Variants in PTPRR observed in about 807,000 individuals in gnomAD.
PTPRR encodes protein tyrosine phosphatase receptor type R, also known as receptor-type tyrosine-protein phosphatase R.
Under a neutral mutation model 77.2 loss-of-function variants are expected in PTPRR, and 38 were observed. The ratio of observed to expected loss-of-function variants is 0.49; its 90% CI spans 0.38 to 0.65. The LOEUF is 0.65. PTPRR is among the 30% of genes least tolerant of loss of function. PTPRR has a pLI of 0.00. For missense variants in PTPRR, 744 were observed against 799.2 expected (o/e 0.93, Z 0.83); for synonymous variants, 299 against 283.1 (o/e 1.06, Z -0.57).
intron 2 of PTPRR, among the ~76,000 whole-genome samples, chr12:70,836,138 C>T (rs1328659052): frequency 6.6e-6 from 1 of 152,116 alleles, no homozygotes; most frequent in Non-Finnish European, 1.5e-5. Flanking sequence ...CTGGTGATGT[C>T]ATTCACTAGC....
chr12:70,698,176 A>C, intron 8 of PTPRR, 89 bp downstream of exon 8: 1 of 1,108,346 alleles, frequency 9.0e-7, no homozygotes. Flanking sequence ...TGCATCCATC[A>C]ACCCATCATC....
At chr12:70,777,600 C>T (rs1275259602) in intron 2 of PTPRR, among the ~76,000 whole-genome samples, 1 of 151,926 alleles carries the variant, frequency 6.6e-6, no homozygotes, top group Non-Finnish European at 1.5e-5. Context: ...TAGAGACTAC[C>T]CAGAATTCTC....
At chr12:70,655,854 C>T (rs940321701) in intron 13 of PTPRR, among the ~76,000 whole-genome samples, 3 of 152,134 alleles carry the variant, frequency 2.0e-5, no homozygotes, top group East Asian at 3.8e-4. Flanking sequence ...TGTCCACTTA[C>T]AAATGGTTAG....
At chr12:70,742,852 G>T (rs1026292485) in intron 6 of PTPRR, among the ~76,000 whole-genome samples, 1 of 152,122 alleles carries the variant, frequency 6.6e-6, no homozygotes, top group Admixed American at 6.6e-5. Flanking sequence ...AAACAACACG[G>T]AGAAGCTGAG....
Position 70,684,755 on chromosome 12 carries a change from T to C in PTPRR, c.1308A>G (p.Pro436=). Residue 436 remains proline (P), a synonymous_variant, in exon 9 of 14, where the codon CCA becomes CCG. Coordinates refer to ENST00000283228, the MANE Select transcript of PTPRR (RefSeq NM_002849.4). The part of the protein sequence containing the change: ...PNPLSRVCLR[P]KNVTDSLSTY... ...TGCTCAATGAATCGGTTACATTTTT[T>C]GGTCTTAAACACACTCTGCTGAGGG... The C allele has an allele frequency of 6.2e-7, 1 of 1,608,198 alleles. No individual in the cohort carries two copies. The highest frequency in any genetic ancestry group is 8.5e-7 in the Non-Finnish European group (1 of 1,175,692).
intron 1 of PTPRR, among the ~76,000 whole-genome samples, chr12:70,912,904 C>G (rs1893720585): frequency 6.6e-6 from 1 of 152,066 alleles, no homozygotes. Flanking sequence ...CAATGCTACT[C>G]TAAGTGTGTC....
chr12:70,711,803 A>G (rs1888838039), intron 6 of PTPRR, among the ~76,000 whole-genome samples: 1 of 152,108 alleles, frequency 6.6e-6, no homozygotes, highest in African/African-American at 2.4e-5. Flanking sequence ...CAGTCATTTG[A>G]TATAAAAAGC....
At chr12:70,860,121 A>C (rs978160264) in intron 2 of PTPRR, among the ~76,000 whole-genome samples, 1 of 152,114 alleles carries the variant, frequency 6.6e-6, no homozygotes, top group Non-Finnish European at 1.5e-5. Context: ...AAAAGGATAC[A>C]GTGACAGTTT....
intron 10 of PTPRR, among the ~76,000 whole-genome samples, chr12:70,671,312 A>C (rs755323244): frequency 1.7e-4 from 26 of 152,182 alleles, no homozygotes; most frequent in African/African-American, 5.5e-4. Flanking sequence ...TTAAAGAGTA[A>C]TGAATAATAA....
At chr12:70,728,353 G>GAA (rs142042129) in intron 6 of PTPRR, among the ~76,000 whole-genome samples, 6 of 113,626 alleles carry the variant, frequency 5.3e-5, no homozygotes, top group Non-Finnish European at 8.7e-5. Flanking sequence ...TCCAAAATCT[G>GAA]AAAAAAAAAC....
chr12:70,849,243 C>CAA (rs201573541), intron 2 of PTPRR, among the ~76,000 whole-genome samples: 2 of 144,888 alleles, frequency 1.4e-5, no homozygotes, highest in African/African-American at 2.5e-5. Flanking sequence ...AATTTCTTAG[C>CAA]AAAAAAAAAA....
intron 6 of PTPRR, among the ~76,000 whole-genome samples, chr12:70,711,438 G>GGTA (rs1276518109): frequency 2.0e-5 from 3 of 151,768 alleles, no homozygotes; most frequent in African/African-American, 7.3e-5. Context: ...ATAACTAAGG[G>GGTA]GTAGTAGGAT....
chr12:70,812,589 A>G (rs1011426294), intron 2 of PTPRR, among the ~76,000 whole-genome samples: 4 of 152,218 alleles, frequency 2.6e-5, no homozygotes, highest in Non-Finnish European at 4.4e-5. Flanking sequence ...CCCATCTGAG[A>G]AACTGCAATA....
intron 2 of PTPRR, among the ~76,000 whole-genome samples, chr12:70,882,019 T>C (rs1276628263): frequency 6.6e-6 from 1 of 152,208 alleles, no homozygotes; most frequent in Admixed American, 6.5e-5. Context: ...GTTACGCTGT[T>C]GGATTTCTTG....
chr12:70,715,002 A>ATATATTGAGTATGCCAAAATAATT (rs1888968325), intron 6 of PTPRR, among the ~76,000 whole-genome samples: 2 of 150,996 alleles, frequency 1.3e-5, no homozygotes. Context: ...AGTTTCTTCT[A>ATATATTGAGTATGCCAAAATAATT]TATATTGAGT....
intron 10 of PTPRR, among the ~76,000 whole-genome samples, chr12:70,663,288 T>C (rs1176800316): frequency 6.6e-6 from 1 of 152,186 alleles, no homozygotes; most frequent in East Asian, 1.9e-4. Flanking sequence ...CAAGGCAACA[T>C]AGCATGGTGG....
chr12:70,688,942 AGACATGATCTTCTTTATGTGTG>A (rs1887964762), intron 8 of PTPRR, among the ~76,000 whole-genome samples: 1 of 152,186 alleles, frequency 6.6e-6, no homozygotes, highest in Non-Finnish European at 1.5e-5. Flanking sequence ...AGGCACAGAG[AGACATGATCTTCTTTATGTGTG>A]GAATCTAAAA....
At chr12:70,774,521 ATAGTG>A (rs1208080196) in intron 2 of PTPRR, among the ~76,000 whole-genome samples, 172 of 152,346 alleles carry the variant, frequency 1.1e-3, no homozygotes, top group African/African-American at 3.9e-3. Flanking sequence ...CTACCCAACT[ATAGTG>A]AAGAAGTGAG....
chr12:70,649,095 C>G (rs2136650415), intron 13 of PTPRR, among the ~76,000 whole-genome samples: 1 of 152,312 alleles, frequency 6.6e-6, no homozygotes, highest in South Asian at 2.1e-4. Context: ...ACATTCGTCT[C>G]TGAACCAGAC....
Sources: allele counts gnomAD v4.1 joint callset (sites outside exome capture counted in the v4.1 genomes callset), GRCh38; gene constraint gnomAD v4.1.1; transcripts MANE v1.5; gene names NCBI Gene and HGNC (gene_info 2026-07-23, HGNC 2026-07-21).